The following TMEM169 variants were observed in gnomAD, a reference collection of about 807,000 sequenced individuals.
The protein encoded by TMEM169 is transmembrane protein 169.
A neutral mutation model predicts 27.3 loss-of-function variants in TMEM169; 18 were observed. That is an observed-to-expected ratio of 0.66 (90% CI 0.46 to 0.98). The LOEUF (loss-of-function observed/expected upper bound fraction) is 0.98, where lower values mean the gene tolerates loss of function less well. Among genes scored for constraint, TMEM169 ranks in the 50% least tolerant of loss-of-function variants. The pLI, the probability that TMEM169 is intolerant of heterozygous loss-of-function variation, is 0.00. For synonymous variants in TMEM169, 136 were observed against 142.1 expected, an observed-to-expected ratio of 0.96 and a Z score of 0.30; for missense variants, 320 against 368.6, an observed-to-expected ratio of 0.87 and a Z score of 1.08.
chr2:216,100,059 G>C lies in TMEM169; in HGVS notation c.411G>C (p.Glu137Asp), dbSNP rs193007190. ...TGCAGGAACTGACCAAACCTAAAGA[G>C]TCATCAAGGGAAACGACGCCTGAAG... ...KELQELTKPK[E>D]SSRETTPEGR... The change falls in exon 3 of 3, where the codon GAG becomes GAC. Residue 137 changes from glutamate (E) to aspartate (D), a missense_variant. Physicochemically the swap from Glu to Asp is conservative, Grantham distance 45 (BLOSUM62 2). Transcript: ENST00000437356. 1.8e-4 allele frequency: 284 copies of C among 1,614,172 alleles called. No homozygotes were observed. Among genetic ancestry groups the C allele is most frequent in the Middle Eastern group, 9.9e-4 (6 of 6,062 alleles).
intron 1 of TMEM169, among the ~76,000 whole-genome samples, chr2:216,084,716 CAAAAA>C (rs1380764857): frequency 6.6e-6 from 1 of 151,856 alleles, no homozygotes; most frequent in African/African-American, 2.4e-5. Flanking sequence ...AACAAGGACT[CAAAAA>C]AACAAAAACG....
intron 1 of TMEM169, 61 bp downstream of exon 1, chr2:216,082,040 G>T: frequency 7.5e-6 from 2 of 266,706 alleles, no homozygotes; most frequent in Non-Finnish European, 1.3e-5. Context: ...GAAGGGAAAT[G>T]CAAAAAAAAA....
rs768363578 is a variant in TMEM169, at chr2:216,095,343, C to A, written c.-126-495C>A. On this transcript the variant is annotated intron_variant, in intron 1 of 2. Coordinates refer to ENST00000437356, the MANE Select transcript of TMEM169 (RefSeq NM_001142311.2). ...CCTCAGGTGATCCACCCGCCTCGGCCTCTCAAAGTGCTGGGATTATATGCG... is the reference window on the plus strand; with the variant it reads ...CCTCAGGTGATCCACCCGCCTCGGCATCTCAAAGTGCTGGGATTATATGCG... Among the ~76,000 whole-genome samples the A allele has an allele frequency of 7.9e-5, 12 of 152,086 alleles. 1 individual carries two copies. The South Asian group carries it at 8.3e-4, about 11-fold the overall frequency.
At chr2:216,092,607 T>C (rs1324181189) in intron 1 of TMEM169, among the ~76,000 whole-genome samples, 1 of 152,230 alleles carries the variant, frequency 6.6e-6, no homozygotes, top group African/African-American at 2.4e-5. Context: ...TCACGTGTAC[T>C]CTTTAACATT....
At chr2:216,083,404 G>T (rs16855402) in intron 1 of TMEM169, among the ~76,000 whole-genome samples, 3,537 of 152,232 alleles carry the variant, frequency 0.023, 165 homozygotes, top group African/African-American at 0.08. Flanking sequence ...GTTCTGAGGG[G>T]TATCTTATTC....
rs1209719884 is a variant in TMEM169 at position 216,100,389 on chromosome 2, C to A, written c.741C>A (p.Asp247Glu). Residue 247 changes from aspartate (D) to glutamate (E), a missense_variant, in exon 3 of 3, where the codon GAC (aspartate) becomes GAA (glutamate). Transcript: ENST00000437356. ...SWEAWWQAAR[D>E]MEKGFCGWLC... ...AAGCATGGTGGCAAGCTGCCCGGGA[C>A]ATGGAGAAAGGCTTCTGTGGCTGGC... is the stretch of plus-strand genomic sequence containing the variant. 1.2e-6 allele frequency: 2 copies of A among 1,613,968 alleles called. No individual in the cohort carries two copies. Among genetic ancestry groups the A allele is most frequent in the Non-Finnish European group, 1.7e-6 (2 of 1,179,986 alleles).
In TMEM169 at chr2:216,100,854, G is replaced by C. The variant is rs1696380603; in HGVS notation, c.*312G>C. The stretch of plus-strand genomic sequence containing the variant: ...GGAAGTGTTACTGGTGCCTGGAACT[G>C]AGGGGAGTATGTGACTAAATGTGTC... On this transcript the variant is annotated 3_prime_UTR_variant, in exon 3 of 3. Coordinates refer to ENST00000437356, the MANE Select transcript of TMEM169 (RefSeq NM_001142311.2). 2.5e-6 allele frequency: 1 copy of C among 406,260 alleles called. No homozygotes were observed. The highest frequency in any genetic ancestry group is 4.6e-6 in the Non-Finnish European group (1 of 218,294). 25.2% of individuals were successfully genotyped at this position (406,260 alleles called of 1,614,324 possible). A position where few individuals can be genotyped will look rare whatever the true frequency, so the allele number is the denominator to read the frequency against.
In TMEM169 at chr2:216,102,779, G is replaced by T. The variant is rs1286380300; in HGVS notation, c.*2237G>T. ...TAAAAATAAAGTCTGATTAACTTTT[G>T]CTCATTTTGTCTTTGAGGCTCTTCA... On this transcript the variant is annotated 3_prime_UTR_variant, in exon 3 of 3. Coordinates refer to ENST00000437356, the MANE Select transcript of TMEM169 (RefSeq NM_001142311.2). The T allele has an allele frequency of 6.6e-6, 1 of 152,586 alleles. No individual in the cohort carries two copies. The highest frequency in any genetic ancestry group is 1.9e-4 in the East Asian group (1 of 5,204). 9.5% of individuals were successfully genotyped at this position (152,586 alleles called of 1,614,324 possible). A position where few individuals can be genotyped will look rare whatever the true frequency, so the allele number is the denominator to read the frequency against.
chr2:216,091,446 A>G (rs1357096524), intron 1 of TMEM169, among the ~76,000 whole-genome samples: 1 of 151,564 alleles, frequency 6.6e-6, no homozygotes, highest in Non-Finnish European at 1.5e-5. Context: ...AGTCCCAGCT[A>G]ATTGGGAGGC....
At chr2:216,090,053 A>G (rs539583196) in intron 1 of TMEM169, among the ~76,000 whole-genome samples, 1 of 152,320 alleles carries the variant, frequency 6.6e-6, no homozygotes, top group Non-Finnish European at 1.5e-5. Flanking sequence ...GTGTGTGTAC[A>G]GAGGTTGGGA....
chr2:216,100,113 C>T lies in TMEM169; in HGVS notation c.465C>T (p.Asp155=), dbSNP rs1347990156. ...EGRMACQMGA[D]RGPHVVLWTL... ...GAATGGCCTGCCAGATGGGAGCTGACCGTGGGCCCCATGTGGTCCTCTGGA... is the reference window on the plus strand; with the variant it reads ...GAATGGCCTGCCAGATGGGAGCTGATCGTGGGCCCCATGTGGTCCTCTGGA... The change falls in exon 3 of 3, where the codon GAC becomes GAT. Residue 155 remains aspartate (D), a synonymous_variant. Coordinates refer to ENST00000437356, the MANE Select transcript of TMEM169 (RefSeq NM_001142311.2). 1.9e-6 allele frequency: 3 copies of T among 1,614,056 alleles called. No individual in the cohort carries two copies. The highest frequency in any genetic ancestry group is 1.7e-5 in the Admixed American group (1 of 60,004).
chr2:216,086,659 C>G (rs1035259179), intron 1 of TMEM169, among the ~76,000 whole-genome samples: 2 of 152,176 alleles, frequency 1.3e-5, no homozygotes, highest in African/African-American at 4.8e-5. Flanking sequence ...ATTTTCTCTT[C>G]TGTGTCCTAT....
intron 1 of TMEM169, among the ~76,000 whole-genome samples, chr2:216,089,524 TC>T (rs1559225893): frequency 6.6e-6 from 1 of 152,214 alleles, no homozygotes; most frequent in Non-Finnish European, 1.5e-5. Context: ...TGGCACGATC[TC>T]AGCTCACTGC....
intron 2 of TMEM169, among the ~76,000 whole-genome samples, chr2:216,098,816 T>A (rs1559229390): frequency 6.6e-6 from 1 of 150,446 alleles, no homozygotes; most frequent in South Asian, 2.1e-4. Flanking sequence ...GTGTGTGTAA[T>A]GTGTGGTGTG....
rs184247347 is a variant in TMEM169 at position 216,101,117 on chromosome 2, C to G, written c.*575C>G. 2.4e-4 allele frequency: 39 copies of G among 163,134 alleles called. No individual in the cohort carries two copies. Among genetic ancestry groups the G allele is most frequent in the Non-Finnish European group, 4.5e-4 (33 of 73,750 alleles). The allele number at this position is 163,134 out of a possible 1,614,324, so 10.1% of individuals were successfully genotyped here. Reference sequence around the variant, plus strand: ...GTCTGGAGGCAGACCATCCTGGGACCCTGTGAAGTAATCCAGGTCCCAGGC... The same window carrying G: ...GTCTGGAGGCAGACCATCCTGGGACGCTGTGAAGTAATCCAGGTCCCAGGC... On this transcript the variant is annotated 3_prime_UTR_variant, in exon 3 of 3. Coordinates refer to ENST00000437356, the MANE Select transcript of TMEM169 (RefSeq NM_001142311.2).
chr2:216,089,068 A>T (rs1329822955), intron 1 of TMEM169, among the ~76,000 whole-genome samples: 1 of 152,190 alleles, frequency 6.6e-6, no homozygotes, highest in East Asian at 1.9e-4. Context: ...AGGACAATGA[A>T]TTAAGAATCG....
rs1342597024 is a variant in TMEM169, at chr2:216,100,029, A to G, written c.381A>G (p.Lys127=). Residue 127 remains lysine, a synonymous_variant, in exon 3 of 3, where the codon AAA becomes AAG. Coordinates refer to ENST00000437356, the MANE Select transcript of TMEM169 (RefSeq NM_001142311.2). ...ACATCCATGTCACATTGACAGAGAA[A>G]GAGCTGCAGGAACTGACCAAACCTA... ...MVDIHVTLTE[K]ELQELTKPKE... is the part of the protein sequence containing the mutation. 1 of 1,614,188 alleles carries G rather than the reference A, an allele frequency of 6.2e-7. No individual in the cohort carries two copies. The highest frequency in any genetic ancestry group is 1.7e-5 in the Admixed American group (1 of 60,014).
intron 1 of TMEM169, among the ~76,000 whole-genome samples, chr2:216,088,171 A>C (rs917555408): frequency 6.7e-6 from 1 of 148,680 alleles, no homozygotes; most frequent in Non-Finnish European, 1.5e-5. Flanking sequence ...AAAAAAAAAA[A>C]CAAACAGGCC....
intron 1 of TMEM169, among the ~76,000 whole-genome samples, chr2:216,094,613 C>CA (rs1696217763): frequency 1.3e-5 from 2 of 152,060 alleles, no homozygotes; most frequent in South Asian, 2.1e-4. Context: ...AACCATCAAC[C>CA]AAAAAAATTT....
Sources: allele counts gnomAD v4.1 joint callset (sites outside exome capture counted in the v4.1 genomes callset), GRCh38; gene constraint gnomAD v4.1.1; transcripts MANE v1.5; gene names NCBI Gene and HGNC (gene_info 2026-07-23, HGNC 2026-07-21).